The following GLG1 variants were observed in gnomAD, a reference collection of about 807,000 sequenced individuals.
GLG1 encodes the protein golgi glycoprotein 1, also known as Golgi apparatus protein 1.
Under a neutral mutation model 160.5 loss-of-function variants are expected in GLG1, and 38 were observed. The observed-to-expected ratio is 0.24, with a 90% CI of 0.18 to 0.31. GLG1 has a LOEUF of 0.31. Ranked by LOEUF, GLG1 falls within the 10% of genes least tolerant of loss-of-function variation. The pLI, the probability that GLG1 is intolerant of heterozygous loss-of-function variation, is 1.00. For synonymous variants in GLG1, 644 were observed against 543.4 expected (o/e 1.19, Z -2.57); for missense variants, 1,373 against 1,505.2 (o/e 0.91, Z 1.45).
rs753961735 is a variant in GLG1, at chr16:74,483,124, C to G, written c.1572G>C (p.Met524Ile). 6.4e-7 allele frequency: 1 copy of G among 1,563,144 alleles called. No homozygotes were observed. The highest frequency in any genetic ancestry group is 1.1e-5 in the South Asian group (1 of 89,928). ...ACKHIRSGDPMILSCLMEHLY... is the reference protein window; with the variant it reads ...ACKHIRSGDPIILSCLMEHLY... ...AATGTTCCATCAGGCACGACAAGAT[C>G]CTAGCCATTAAATGTGTAAAATTGT... The change falls in exon 10 of 26, where the codon ATG (methionine) becomes ATC (isoleucine). Residue 524 changes from methionine (M) to isoleucine (I), a missense_variant and splice_region_variant. Met to Ile is a conservative substitution (Grantham distance 10, BLOSUM62 1). Coordinates refer to ENST00000422840, the MANE Select transcript of GLG1 (RefSeq NM_001145667.2).
chr16:74,597,218 G>T (rs1958326986), intron 1 of GLG1, among the ~76,000 whole-genome samples: 1 of 151,668 alleles, frequency 6.6e-6, no homozygotes, highest in Non-Finnish European at 1.5e-5. Context: ...GGATCACCAG[G>T]TCAAGAGATC....
intron 16 of GLG1, chr16:74,469,503 T>C (rs2015121545): frequency 5.3e-6 from 1 of 188,712 alleles, no homozygotes; most frequent in African/African-American, 2.3e-5. Context: ...AAGAGCAACA[T>C]GGAAGAATTT....
intron 11 of GLG1, 115 bp downstream of exon 11, chr16:74,480,126 C>A: frequency 1.2e-6 from 1 of 829,742 alleles, no homozygotes; most frequent in Non-Finnish European, 2.0e-6. Flanking sequence ...AATCTTCTCC[C>A]CACAAAATAG....
chr16:74,509,143 G>C (rs1353677688), intron 2 of GLG1, among the ~76,000 whole-genome samples: 2 of 137,852 alleles, frequency 1.5e-5, no homozygotes, highest in Non-Finnish European at 3.1e-5. Context: ...ATATATTTTT[G>C]TCGTTTTTAC....
chr16:74,606,834 C>CGGCTGA lies in GLG1; in HGVS notation c.255_260dup (p.Gln86_Pro87dup). 2.5e-6 allele frequency: 4 copies of CGGCTGA among 1,599,732 alleles called. No homozygotes were observed. Among genetic ancestry groups the CGGCTGA allele is most frequent in the Non-Finnish European group, 3.4e-6 (4 of 1,173,284 alleles). On this transcript the variant is annotated inframe_insertion, in exon 1 of 26. Transcript: ENST00000422840. ...CACCCGCCGGGAAAGGCGGCTGCGGCGGCTGAGGCTGCTGTTGCTGTTGCT... is the reference window on the plus strand; with the variant it reads ...CACCCGCCGGGAAAGGCGGCTGCGGCGGCTGAGGCTGAGGCTGCTGTTGCTGTTGCT...
chr16:74,503,896 AG>A (rs2016504695), intron 3 of GLG1, 150 bp from the exon 4 acceptor site: 1 of 618,004 alleles, frequency 1.6e-6, no homozygotes, highest in African/African-American at 1.8e-5. Context: ...AATATATCCA[AG>A]GAAAACATTT....
At chr16:74,519,448 C>T (rs368880493) in intron 2 of GLG1, among the ~76,000 whole-genome samples, 6 of 151,484 alleles carry the variant, frequency 4.0e-5, no homozygotes, top group Middle Eastern at 3.4e-3. Context: ...CAAAACTGTA[C>T]GTTCTGCATA....
chr16:74,607,103 C>G lies in GLG1; in HGVS notation c.-9G>C. 6.6e-7 allele frequency: 1 copy of G among 1,520,074 alleles called. No homozygotes were observed. Among genetic ancestry groups the G allele is most frequent in the Non-Finnish European group, 8.8e-7 (1 of 1,131,856 alleles). 94.2% of individuals were successfully genotyped at this position (1,520,074 alleles called of 1,614,324 possible). Reference sequence around the variant, plus strand: ...CGTCCACACGCCGCCATCTTGAGTCCGCGGCGAGCTCGACGCACTCGCCGG... The same window carrying G: ...CGTCCACACGCCGCCATCTTGAGTCGGCGGCGAGCTCGACGCACTCGCCGG... On this transcript the variant is annotated 5_prime_UTR_variant, in exon 1 of 26. Transcript: ENST00000422840.
intron 1 of GLG1, among the ~76,000 whole-genome samples, chr16:74,600,043 C>T (rs1238636359): frequency 1.3e-5 from 2 of 150,836 alleles, no homozygotes; most frequent in Non-Finnish European, 3.0e-5. Context: ...TAACCAAAAG[C>T]AAAACAAAAC....
intron 15 of GLG1, among the ~76,000 whole-genome samples, chr16:74,470,628 TG>T (rs1388960922): frequency 6.6e-6 from 1 of 151,504 alleles, no homozygotes; most frequent in Non-Finnish European, 1.5e-5. Context: ...TTGTATTTTT[TG>T]TAGAGACAGG....
chr16:74,573,952 C>A (rs2018913359), intron 1 of GLG1, among the ~76,000 whole-genome samples: 2 of 152,026 alleles, frequency 1.3e-5, no homozygotes, highest in Admixed American at 1.3e-4. Flanking sequence ...CACCACTACA[C>A]CCCACTAATT....
At position 74,507,822 on chromosome 16, in the gene GLG1, G is replaced by A. The variant is rs1250132982; in HGVS notation, c.558+1017C>T. Among the ~76,000 whole-genome samples, 3 of 152,162 alleles carry A rather than the reference G, an allele frequency of 2.0e-5. No homozygotes were observed. In the East Asian group the frequency reaches 5.8e-4, roughly 29 times the overall value. ...TAAAGTTCAAGCCTAGGAATAATTT[G>A]TTAGTATTTAGTTCAGTTATTAAGC... On this transcript the variant is annotated intron_variant, in intron 3 of 25. Transcript: ENST00000422840.
At chr16:74,555,255 T>C (rs1298527871) in intron 1 of GLG1, among the ~76,000 whole-genome samples, 1 of 152,192 alleles carries the variant, frequency 6.6e-6, no homozygotes. Flanking sequence ...TCTTGTCTTA[T>C]CTAGTGGTCT....
rs1555511216 is a variant in GLG1 at position 74,506,604 on chromosome 16, A to AAAAAAAAAC, written c.558+2234_558+2235insGTTTTTTTT. 2.2e-3 allele frequency among the ~76,000 whole-genome samples: 321 copies of AAAAAAAAAC among 142,930 alleles called. 4 individuals carry two copies. Among genetic ancestry groups the AAAAAAAAAC allele is most frequent in the Non-Finnish European group, 4.3e-3 (278 of 64,844 alleles). 93.8% of individuals were successfully genotyped at this position (142,930 alleles called of 152,430 possible). The stretch of plus-strand genomic sequence containing the variant: ...CTCAAAAAAAAAAAAAAAAAAAAAA[A>AAAAAAAAAC]CTCAAGAGAAACCAGGAGCACATTT... On this transcript the variant is annotated intron_variant, in intron 3 of 25. Transcript: ENST00000422840.
rs959759896 is a variant in GLG1 at position 74,471,671 on chromosome 16, A to G, written c.2116-385T>C. Among the ~76,000 whole-genome samples the G allele has an allele frequency of 1.1e-4, 17 of 152,204 alleles. No individual in the cohort carries two copies. In the South Asian group the frequency reaches 1.9e-3, roughly 17 times the overall value. ...GTCAGAATTCACTCAATATTGAGGT[A>G]CTAGGAGACAGTTGGAAGAAGGAGC... On this transcript the variant is annotated intron_variant, in intron 14 of 25. Transcript: ENST00000422840.
At chr16:74,555,143 A>G (rs948732946) in intron 1 of GLG1, among the ~76,000 whole-genome samples, 4 of 152,192 alleles carry the variant, frequency 2.6e-5, no homozygotes, top group African/African-American at 9.6e-5. Context: ...ATTCTCACAA[A>G]CTGATCAAAT....
At chr16:74,602,708 G>A (rs1196066777) in intron 1 of GLG1, among the ~76,000 whole-genome samples, 2 of 151,940 alleles carry the variant, frequency 1.3e-5, no homozygotes, top group East Asian at 1.9e-4. Context: ...GCTTGAACTC[G>A]GGAGGCTGAG....
chr16:74,460,846 T>C (rs960294646), intron 22 of GLG1, among the ~76,000 whole-genome samples: 1 of 152,230 alleles, frequency 6.6e-6, no homozygotes, highest in Non-Finnish European at 1.5e-5. Context: ...AGGTTATATA[T>C]AACCAAATCA....
intron 22 of GLG1, 62 bp from the exon 23 acceptor site, chr16:74,459,851 C>CT: frequency 3.8e-6 from 3 of 793,336 alleles, no homozygotes; most frequent in Admixed American, 2.9e-5. Flanking sequence ...CTGACAGTTT[C>CT]TTCTTTTTTT....
Sources: gnomAD v4.1 joint callset for allele counts (sites outside exome capture counted in the v4.1 genomes callset) on GRCh38, gnomAD v4.1.1 for gene constraint, MANE v1.5 for transcripts, NCBI Gene and HGNC (gene_info 2026-07-23, HGNC 2026-07-21) for gene names.